GLIS3: variants seen among roughly 807,000 people sequenced by gnomAD.
The protein encoded by GLIS3 is GLIS family zinc finger 3, also known as zinc finger protein GLIS3.
GLIS3 carries 53 observed loss-of-function variants against 78.6 expected under a neutral mutation model. The ratio of observed to expected loss-of-function variants is 0.67; its 90% confidence interval spans 0.54 to 0.85. The LOEUF (loss-of-function observed/expected upper bound fraction) is 0.85, where lower values mean the gene tolerates loss of function less well. GLIS3 is among the 40% of genes least tolerant of loss of function. The pLI, the probability that GLIS3 is intolerant of heterozygous loss-of-function variation, is 0.00. For missense variants in GLIS3, 1,703 were observed against 1,231.1 expected, an observed-to-expected ratio of 1.38 and a Z score of -5.74; for synonymous variants, 684 against 509.9, an observed-to-expected ratio of 1.34 and a Z score of -4.60.
At chr9:4,294,894 G>T (rs568856630) in intron 1 of GLIS3, among the ~76,000 whole-genome samples, 1 of 152,108 alleles carries the variant, frequency 6.6e-6, no homozygotes, top group Non-Finnish European at 1.5e-5. Context: ...TGGTGTAAGT[G>T]AAATATACAA....
chr9:4,049,846 A>T (rs1588538948), intron 4 of GLIS3, among the ~76,000 whole-genome samples: 1 of 152,228 alleles, frequency 6.6e-6, no homozygotes, highest in East Asian at 1.9e-4. Flanking sequence ...CACATGAAAA[A>T]ATGCTCATCA....
intron 2 of GLIS3, among the ~76,000 whole-genome samples, chr9:4,198,193 G>T (rs531769619): frequency 1.3e-5 from 2 of 152,130 alleles, no homozygotes; most frequent in Non-Finnish European, 2.9e-5. Flanking sequence ...AGAATTCAAA[G>T]CATGGATTGC....
the GLIS3 span, among the ~76,000 whole-genome samples, chr9:4,407,075 G>A: frequency 6.6e-6 from 1 of 152,120 alleles, no homozygotes; most frequent in African/African-American, 2.4e-5. Context: ...AAAACAGCAT[G>A]GTAATGGTAT....
At chr9:3,997,250 G>T (rs1820813233) in intron 4 of GLIS3, among the ~76,000 whole-genome samples, 1 of 152,182 alleles carries the variant, frequency 6.6e-6, no homozygotes. Context: ...GGAGGCTGAG[G>T]CCGGAGAATC....
At chr9:4,470,380 G>C in the GLIS3 span, among the ~76,000 whole-genome samples, 1 of 152,166 alleles carries the variant, frequency 6.6e-6, no homozygotes, top group South Asian at 2.1e-4. Context: ...ACCAAATCCA[G>C]CAGCACATCA....
rs148572278 is a variant in GLIS3, at chr9:4,118,585, G to C, written c.893C>G (p.Ser298Cys). 6.2e-7 allele frequency: 1 copy of C among 1,614,244 alleles called. No individual in the cohort carries two copies. The highest frequency in any genetic ancestry group is 2.2e-5 in the East Asian group (1 of 44,882). Residue 298 changes from serine to cysteine, a missense_variant, in exon 4 of 11, where the codon TCC becomes TGC. Ser to Cys is a moderately radical substitution (Grantham distance 112). Transcript: ENST00000381971. The surrounding 1 kb of genome is among the most constrained non-coding windows in gnomAD (Gnocchi z 4.7). ...HSSTRSHSARSKKRALSLSPL... is the reference protein window; with the variant it reads ...HSSTRSHSARCKKRALSLSPL... ...GGACAAGGACAGCGCTCTCTTCTTG[G>C]AGCGGGCCGAGTGGGACCTGGTGGA... is the stretch of plus-strand genomic sequence containing the variant.
At chr9:3,842,625 T>C (rs913529646) in intron 9 of GLIS3, among the ~76,000 whole-genome samples, 11 of 152,202 alleles carry the variant, frequency 7.2e-5, no homozygotes, top group Admixed American at 5.2e-4. Context: ...CCAATGATTC[T>C]TACCAGGGTT....
intron 8 of GLIS3, among the ~76,000 whole-genome samples, chr9:3,875,283 A>T (rs1238898501): frequency 2.6e-5 from 4 of 152,228 alleles, no homozygotes; most frequent in Admixed American, 6.5e-5. Flanking sequence ...ATAATGTGTC[A>T]TTCAGATAAT....
intron 7 of GLIS3, among the ~76,000 whole-genome samples, chr9:3,894,861 C>T (rs1220426621): frequency 6.6e-6 from 1 of 152,172 alleles, no homozygotes; most frequent in African/African-American, 2.4e-5. Flanking sequence ...GTAGATTTCT[C>T]TTGTTCCAGC....
chr9:3,955,689 G>T (rs149613067), intron 4 of GLIS3, among the ~76,000 whole-genome samples: 2 of 152,078 alleles, frequency 1.3e-5, no homozygotes, highest in African/African-American at 4.8e-5. Context: ...GTAGCAAAAT[G>T]TCAGATTAAT....
At chr9:4,435,141 G>A in the GLIS3 span, among the ~76,000 whole-genome samples, 47 of 152,126 alleles carry the variant, frequency 3.1e-4, no homozygotes, top group Non-Finnish European at 2.9e-5. Flanking sequence ...GTATGAATAT[G>A]GTCAACCTGA....
the GLIS3 span, among the ~76,000 whole-genome samples, chr9:4,376,300 GA>G: frequency 6.8e-4 from 104 of 152,174 alleles, no homozygotes; most frequent in African/African-American, 2.4e-3. Context: ...CAGGTGTCAA[GA>G]ATTTAAAGCA....
intron 2 of GLIS3, among the ~76,000 whole-genome samples, chr9:4,242,588 G>C (rs1380534147): frequency 6.6e-6 from 1 of 152,084 alleles, no homozygotes; most frequent in Non-Finnish European, 1.5e-5. Context: ...ATACCCAGTG[G>C]GTTCTAAGAT....
intron 2 of GLIS3, among the ~76,000 whole-genome samples, chr9:4,253,438 A>T (rs1824588842): frequency 6.6e-6 from 1 of 152,196 alleles, no homozygotes; most frequent in African/African-American, 2.4e-5. Context: ...AAGCTTCAGT[A>T]ATGGTGGATG....
chr9:4,159,325 T>G (rs1835292761), intron 2 of GLIS3, among the ~76,000 whole-genome samples: 1 of 152,204 alleles, frequency 6.6e-6, no homozygotes, highest in African/African-American at 2.4e-5. Flanking sequence ...GCCCTTTCTT[T>G]CAATACGGAT....
Position 3,825,026 on chromosome 9 carries a change from A to G in GLIS3, c.*3246T>C, listed in dbSNP as rs1817656199. 6.6e-6 allele frequency: 1 copy of G among 152,126 alleles called. No homozygotes were observed. Among genetic ancestry groups the G allele is most frequent in the South Asian group, 2.1e-4 (1 of 4,830 alleles). 9.4% of individuals were successfully genotyped at this position (152,126 alleles called of 1,614,324 possible). ...CATGGCCAAGACAGTCAAATAAAAT[A>G]CCAAATAATTAAATTGAAAATGTAC... On this transcript the variant is annotated 3_prime_UTR_variant, in exon 11 of 11. Coordinates refer to ENST00000381971, the MANE Select transcript of GLIS3 (RefSeq NM_001042413.2).
the GLIS3 span, among the ~76,000 whole-genome samples, chr9:4,430,742 C>CAA: frequency 2.0e-5 from 3 of 148,124 alleles, no homozygotes; most frequent in African/African-American, 7.4e-5. Flanking sequence ...ATTCTCCTTT[C>CAA]AAAAAAAAAA....
chr9:4,215,837 G>A (rs1820776073), intron 2 of GLIS3, among the ~76,000 whole-genome samples: 1 of 152,124 alleles, frequency 6.6e-6, no homozygotes. Context: ...GTGTTTGCCT[G>A]CCTTTAAAAG....
intron 4 of GLIS3, among the ~76,000 whole-genome samples, chr9:3,950,453 C>A (rs573199865): frequency 6.6e-6 from 1 of 152,264 alleles, no homozygotes; most frequent in Non-Finnish European, 1.5e-5. Context: ...CCAGCCTCAT[C>A]TTCACCTCTC....
Sources: allele counts gnomAD v4.1 joint callset (sites outside exome capture counted in the v4.1 genomes callset), GRCh38; gene constraint gnomAD v4.1.1; non-coding constraint Gnocchi (gnomAD v3.1); transcripts MANE v1.5; gene names NCBI Gene and HGNC (gene_info 2026-07-23, HGNC 2026-07-21).